The following TRIM51G variants were observed in gnomAD, a reference collection of about 807,000 sequenced individuals.
TRIM51G encodes the protein tripartite motif-containing protein 51G.
At chr11:48,975,547 C>T in the TRIM51G span, 17 of 1,397,334 alleles carry the variant, frequency 1.2e-5, no homozygotes, top group East Asian at 2.3e-5. Flanking sequence ...TGAGAAGGAG[C>T]AATTAGGGAT....
the TRIM51G span, chr11:48,981,092 T>C: frequency 1.0e-6 from 1 of 982,936 alleles, no homozygotes; most frequent in East Asian, 2.8e-5. Context: ...GAGAGACAAA[T>C]TAGCCCACAG....
the TRIM51G span, among the ~76,000 whole-genome samples, chr11:48,982,183 C>T: frequency 6.6e-6 from 1 of 152,076 alleles, no homozygotes; most frequent in African/African-American, 2.4e-5. Flanking sequence ...AAAACAACCC[C>T]AGAACAAACC....
chr11:48,978,884 C>T, the TRIM51G span: 1 of 1,451,160 alleles, frequency 6.9e-7, no homozygotes, highest in Non-Finnish European at 9.7e-7. Context: ...GGAATAGCTC[C>T]ACAACTGCTT....
At chr11:48,980,048 C>A in the TRIM51G span, among the ~76,000 whole-genome samples, 1 of 151,892 alleles carries the variant, frequency 6.6e-6, no homozygotes, top group Admixed American at 6.6e-5. Context: ...AAAGACACTA[C>A]TACACTCTAA....
At chr11:48,979,569 C>T in the TRIM51G span, among the ~76,000 whole-genome samples, 21 of 152,060 alleles carry the variant, frequency 1.4e-4, no homozygotes, top group Admixed American at 7.9e-4. Flanking sequence ...TTATTCTCTT[C>T]CAAACTCACC....
chr11:48,975,650 G>T, the TRIM51G span: 1 of 1,426,052 alleles, frequency 7.0e-7, no homozygotes, highest in Non-Finnish European at 9.9e-7. Flanking sequence ...GTAGGTCTTG[G>T]AACATATTGC....
the TRIM51G span, chr11:48,975,509 T>A: frequency 1.4e-6 from 2 of 1,391,076 alleles, no homozygotes; most frequent in Non-Finnish European, 2.0e-6. Context: ...CAGAAGTGAC[T>A]ACAGCAAATG....
the TRIM51G span, chr11:48,981,290 G>A: frequency 2.4e-5 from 39 of 1,605,112 alleles, no homozygotes; most frequent in Admixed American, 1.3e-4. Context: ...CTTACCCGGC[G>A]TTCCTCAGCA....
At chr11:48,980,536 G>T in the TRIM51G span, among the ~76,000 whole-genome samples, 3 of 152,024 alleles carry the variant, frequency 2.0e-5, no homozygotes, top group Non-Finnish European at 2.9e-5. Flanking sequence ...TCAATTTCAT[G>T]CTGACTCAGC....
At chr11:48,979,913 G>A in the TRIM51G span, among the ~76,000 whole-genome samples, 1 of 151,562 alleles carries the variant, frequency 6.6e-6, no homozygotes, top group Admixed American at 6.6e-5. Context: ...TCCTGATCAA[G>A]GTTTTGCTTC....
the TRIM51G span, chr11:48,975,687 A>T: frequency 3.3e-6 from 5 of 1,499,784 alleles, no homozygotes; most frequent in South Asian, 5.7e-5. Context: ...TGGTAAAGAG[A>T]CTGCAGTGAG....
At chr11:48,975,964 C>T in the TRIM51G span, 14 of 712,740 alleles carry the variant, frequency 2.0e-5, no homozygotes, top group Admixed American at 3.5e-5. Context: ...GAAGATATGA[C>T]TACTGGCTCT....
the TRIM51G span, chr11:48,980,994 A>C: frequency 1.8e-6 from 1 of 567,120 alleles, no homozygotes. Flanking sequence ...TTTTCTTAGG[A>C]GCTCCTCCTG....
At chr11:48,979,775 T>G in the TRIM51G span, among the ~76,000 whole-genome samples, 17 of 143,562 alleles carry the variant, frequency 1.2e-4, no homozygotes, top group African/African-American at 4.4e-4. Flanking sequence ...TGTATCTGTG[T>G]GTACATATAT....
chr11:48,977,709 A>C, the TRIM51G span, among the ~76,000 whole-genome samples: 1 of 152,112 alleles, frequency 6.6e-6, no homozygotes, highest in Non-Finnish European at 1.5e-5. Context: ...GAAATCATCA[A>C]CACTTTTCAC....
the TRIM51G span, chr11:48,981,453 G>C: frequency 1.2e-6 from 2 of 1,607,614 alleles, no homozygotes; most frequent in East Asian, 4.5e-5. Flanking sequence ...ATTGCCGGAG[G>C]CTGGCTTTTC....
At chr11:48,981,466 G>T in the TRIM51G span, 1 of 1,607,198 alleles carries the variant, frequency 6.2e-7, no homozygotes. Flanking sequence ...GGCTTTTCTG[G>T]CAATGGAAGC....
At chr11:48,982,983 A>G in the TRIM51G span, among the ~76,000 whole-genome samples, 1 of 108,900 alleles carries the variant, frequency 9.2e-6, no homozygotes, top group Admixed American at 9.9e-5. Flanking sequence ...ATATATATAT[A>G]TATAGTTATG....
the TRIM51G span, among the ~76,000 whole-genome samples, chr11:48,983,841 A>G: frequency 2.0e-5 from 3 of 152,038 alleles, no homozygotes; most frequent in Non-Finnish European, 2.9e-5. Context: ...TTGACTTTCC[A>G]AGGTCACCTG....
Sources: gnomAD v4.1 joint callset for allele counts (sites outside exome capture counted in the v4.1 genomes callset) on GRCh38, gnomAD v4.1.1 for gene constraint, MANE v1.5 for transcripts, NCBI Gene and HGNC (gene_info 2026-07-23, HGNC 2026-07-21) for gene names.